APBB2: variants seen among roughly 807,000 people sequenced by gnomAD.
The protein encoded by APBB2 is Fe65-like 1.
Under a neutral mutation model 82.5 loss-of-function variants are expected in APBB2, and 38 were observed. The ratio of observed to expected loss-of-function variants is 0.46; its 90% CI spans 0.36 to 0.60. The LOEUF (loss-of-function observed/expected upper bound fraction) is 0.60. Among genes scored for constraint, APBB2 ranks in the 20% least tolerant of loss-of-function variants. The pLI, the probability that APBB2 is intolerant of heterozygous loss-of-function variation, is 0.00. For missense variants in APBB2, 772 were observed against 972.3 expected (o/e 0.79, Z 2.74); for synonymous variants, 341 against 368.2 (o/e 0.93, Z 0.85).
intron 6 of APBB2, among the ~76,000 whole-genome samples, chr4:40,957,312 T>C (rs1351786339): frequency 6.6e-6 from 1 of 151,044 alleles, no homozygotes; most frequent in African/African-American, 2.4e-5. Flanking sequence ...TCTGCAACAA[T>C]CACATTTTTT....
At chr4:41,055,917 G>A (rs903824887) in intron 4 of APBB2, among the ~76,000 whole-genome samples, 1 of 152,184 alleles carries the variant, frequency 6.6e-6, no homozygotes, top group Non-Finnish European at 1.5e-5. Context: ...TTCTGGCTGG[G>A]CGCAGTGGCT....
intron 12 of APBB2, among the ~76,000 whole-genome samples, chr4:40,851,397 A>G (rs962795899): frequency 5.9e-5 from 9 of 152,186 alleles, no homozygotes; most frequent in Non-Finnish European, 1.0e-4. Flanking sequence ...CTAGCAGATG[A>G]TGGCTCTTAC....
chr4:40,816,226 G>A lies in APBB2; in HGVS notation c.2146C>T (p.Pro716Ser). 1 of 1,614,164 alleles carries A rather than the reference G, an allele frequency of 6.2e-7. No homozygotes were observed. The highest frequency in any genetic ancestry group is 8.5e-7 in the Non-Finnish European group (1 of 1,180,030). ...RYQKCLVARP[P>S]SQKVRPPPPP... is the part of the protein sequence containing the mutation. ...GGAGGTGGTCGAACTTTCTGAGAAG[G>A]CGGCCTGGCTACCAAGCACTTCTGA... The change falls in exon 18 of 18, where the codon CCT becomes TCT. Residue 716 changes from proline to serine, a missense_variant. By Grantham distance (74) the Pro-to-Ser change is moderately conservative. Transcript: ENST00000508593.
chr4:41,027,078 A>G (rs1714568908), intron 5 of APBB2, among the ~76,000 whole-genome samples: 2 of 151,970 alleles, frequency 1.3e-5, no homozygotes, highest in South Asian at 4.1e-4. Flanking sequence ...TTTCTTCCCT[A>G]CTATATAAAA....
intron 3 of APBB2, among the ~76,000 whole-genome samples, chr4:41,087,514 C>T (rs2153947100): frequency 6.6e-6 from 1 of 152,270 alleles, no homozygotes; most frequent in Middle Eastern, 3.4e-3. Flanking sequence ...ACTGCAACCT[C>T]CACCTCCCAG....
chr4:41,089,442 GC>G (rs1444310627), intron 3 of APBB2, among the ~76,000 whole-genome samples: 1 of 152,060 alleles, frequency 6.6e-6, no homozygotes, highest in Non-Finnish European at 1.5e-5. Flanking sequence ...TTTTAGGGAA[GC>G]TCAACCTATG....
chr4:41,085,933 A>C (rs907529842), intron 3 of APBB2, among the ~76,000 whole-genome samples: 2 of 152,180 alleles, frequency 1.3e-5, no homozygotes, highest in Admixed American at 6.5e-5. Flanking sequence ...AAGACTGACA[A>C]AATTGACATT....
chr4:41,057,805 G>A (rs1350214764), intron 4 of APBB2, among the ~76,000 whole-genome samples: 1 of 152,128 alleles, frequency 6.6e-6, no homozygotes, highest in African/African-American at 2.4e-5. Flanking sequence ...TTTCCCTTCT[G>A]GAGGCTGCTC....
intron 11 of APBB2, chr4:40,892,311 G>A (rs1482226568): frequency 1.3e-5 from 2 of 152,230 alleles, no homozygotes; most frequent in Non-Finnish European, 2.9e-5. Context: ...TCAAACAACA[G>A]AAGAGGGTAA....
At chr4:40,928,741 TG>T (rs1473676871) in intron 10 of APBB2, among the ~76,000 whole-genome samples, 2 of 151,154 alleles carry the variant, frequency 1.3e-5, no homozygotes, top group East Asian at 3.9e-4. Context: ...AAAAATTAGC[TG>T]GGTGTGGTGG....
At chr4:41,071,498 TG>T (rs1733866621) in intron 3 of APBB2, among the ~76,000 whole-genome samples, 1 of 152,020 alleles carries the variant, frequency 6.6e-6, no homozygotes, top group Non-Finnish European at 1.5e-5. Flanking sequence ...CTGGCCAACA[TG>T]GCGAAACCCC....
intron 2 of APBB2, among the ~76,000 whole-genome samples, chr4:41,113,076 A>G (rs1471967494): frequency 1.3e-5 from 2 of 152,212 alleles, no homozygotes; most frequent in South Asian, 2.1e-4. Context: ...CTGTATGTCT[A>G]TTGAATTCTG....
chr4:41,134,724 G>C (rs937750260), intron 2 of APBB2, among the ~76,000 whole-genome samples: 2 of 152,114 alleles, frequency 1.3e-5, no homozygotes, highest in Non-Finnish European at 2.9e-5. Flanking sequence ...CCCCCGCCTT[G>C]AGCCACTCCC....
At chr4:40,980,244 G>A (rs1578932284) in intron 6 of APBB2, among the ~76,000 whole-genome samples, 1 of 152,108 alleles carries the variant, frequency 6.6e-6, no homozygotes, top group South Asian at 2.1e-4. Context: ...GACTGGTCTC[G>A]AACTCCTGAG....
At chr4:40,955,707 GCTT>G (rs1459336496) in intron 6 of APBB2, among the ~76,000 whole-genome samples, 2 of 152,144 alleles carry the variant, frequency 1.3e-5, no homozygotes, top group East Asian at 3.9e-4. Flanking sequence ...GAGGCCAACA[GCTT>G]GAGGCCAGCC....
intron 6 of APBB2, among the ~76,000 whole-genome samples, chr4:41,008,067 A>C (rs1237534387): frequency 6.6e-6 from 1 of 152,314 alleles, no homozygotes; most frequent in Non-Finnish European, 1.5e-5. Flanking sequence ...GATCCCCTAA[A>C]ATATAATTTT....
At chr4:40,895,289 C>G (rs1406142016) in intron 10 of APBB2, among the ~76,000 whole-genome samples, 1 of 152,256 alleles carries the variant, frequency 6.6e-6, no homozygotes, top group African/African-American at 2.4e-5. Context: ...AGCAGCCACT[C>G]TGCTGATGGT....
At chr4:40,925,556 C>A (rs1782413163) in intron 10 of APBB2, among the ~76,000 whole-genome samples, 1 of 152,210 alleles carries the variant, frequency 6.6e-6, no homozygotes. Flanking sequence ...ATAAACGTCT[C>A]TGACTCAATG....
intron 6 of APBB2, among the ~76,000 whole-genome samples, chr4:40,985,872 T>C (rs1402061238): frequency 6.6e-6 from 1 of 152,166 alleles, no homozygotes; most frequent in East Asian, 1.9e-4. Context: ...TAGATATAGG[T>C]CAAATTGGGC....
Sources: allele counts gnomAD v4.1 joint callset (sites outside exome capture counted in the v4.1 genomes callset), GRCh38; gene constraint gnomAD v4.1.1; transcripts MANE v1.5; gene names NCBI Gene and HGNC (gene_info 2026-07-23, HGNC 2026-07-21).